Variants in FCF1 observed in about 807,000 individuals in gnomAD.
FCF1 encodes the protein rRNA-processing protein FCF1 homolog.
A neutral mutation model predicts 32.5 loss-of-function variants in FCF1; 17 were observed. That is an observed-to-expected ratio of 0.52 (90% CI 0.36 to 0.78). FCF1 has a LOEUF of 0.78. Among genes scored for constraint, FCF1 ranks in the 30% least tolerant of loss-of-function variants. FCF1 has a pLI of 0.00. For synonymous variants in FCF1, 84 were observed against 78.4 expected (o/e 1.07, Z -0.38); for missense variants, 201 against 241.1 (o/e 0.83, Z 1.10).
chr14:74,734,161 C>G lies in FCF1; in HGVS notation c.539C>G (p.Ser180Cys). The G allele has an allele frequency of 1.2e-6, 2 of 1,607,680 alleles. No homozygotes were observed. Among genetic ancestry groups the G allele is most frequent in the Non-Finnish European group, 1.7e-6 (2 of 1,174,378 alleles). ...KIPGVPIMYI[S>C]NHRYNIERMP... ...CCTGGAGTTCCTATCATGTACATTT[C>G]TAACCATAGGTGAGAAATTTCCCTT... Residue 180 changes from serine (S) to cysteine (C), a missense_variant, in exon 7 of 8, where the codon TCT becomes TGT. By Grantham distance (112) the Ser-to-Cys change is moderately radical. Coordinates refer to ENST00000341162, the MANE Select transcript of FCF1 (RefSeq NM_015962.5).
intron 4 of FCF1, among the ~76,000 whole-genome samples, chr14:74,716,304 A>G (rs2090418994): frequency 6.6e-6 from 1 of 152,218 alleles, no homozygotes; most frequent in Non-Finnish European, 1.5e-5. Flanking sequence ...ACAATTCAGA[A>G]AACACTTAGA....
In FCF1 at chr14:74,719,773, GA is replaced by G. The variant is rs1167854586; in HGVS notation, c.293-3492del. 3.3e-5 allele frequency among the ~76,000 whole-genome samples: 5 copies of G among 151,782 alleles called. No homozygotes were observed. In the South Asian group the frequency reaches 8.3e-4, roughly 25 times the overall value. On this transcript the variant is annotated intron_variant, in intron 4 of 7. Coordinates refer to ENST00000341162, the MANE Select transcript of FCF1 (RefSeq NM_015962.5). The stretch of plus-strand genomic sequence containing the variant: ...GAACAAGAACCTGTCTCAAAAGGGG[GA>G]AAAAAAGGAAGTTGCTTATAATGCA...
At chr14:74,722,009 A>G (rs2090510112) in intron 4 of FCF1, among the ~76,000 whole-genome samples, 3 of 150,948 alleles carry the variant, frequency 2.0e-5, no homozygotes, top group Non-Finnish European at 4.4e-5. Context: ...CTACAAACTT[A>G]GTATGAGAAT....
chr14:74,723,074 A>T (rs2090527736), intron 4 of FCF1, among the ~76,000 whole-genome samples, 198 bp from the exon 5 acceptor site: 1 of 152,050 alleles, frequency 6.6e-6, no homozygotes, highest in African/African-American at 2.4e-5. Context: ...ATAACAGGGA[A>T]TCTGCAGTTT....
intron 2 of FCF1, 33 bp downstream of exon 2, chr14:74,713,585 T>G: frequency 6.4e-7 from 1 of 1,570,956 alleles, no homozygotes; most frequent in Non-Finnish European, 8.7e-7. Flanking sequence ...CCAGGGATAT[T>G]CTAATAAGAG....
chr14:74,723,248 A>T (rs2090529862), intron 4 of FCF1, 24 bp from the exon 5 acceptor site: 5 of 1,571,546 alleles, frequency 3.2e-6, no homozygotes, highest in Non-Finnish European at 4.4e-6. Context: ...TTCTGTTCTT[A>T]ATGTGAATTT....
chr14:74,726,769 A>G (rs1382063031), intron 5 of FCF1, among the ~76,000 whole-genome samples: 1 of 86,082 alleles, frequency 1.2e-5, no homozygotes, highest in Non-Finnish European at 2.3e-5. Context: ...CCCCCACCCC[A>G]CAACAGGCCC....
intron 4 of FCF1, among the ~76,000 whole-genome samples, chr14:74,722,047 CTTTT>C (rs59367492): frequency 8.2e-6 from 1 of 121,406 alleles, no homozygotes; most frequent in African/African-American, 3.1e-5. Context: ...TGGGTATTTT[CTTTT>C]TTTTTTTTTT....
In FCF1 at chr14:74,723,331, C is replaced by T. The variant is rs201408131; in HGVS notation, c.352C>T (p.Arg118Ter). 1.2e-6 allele frequency: 2 copies of T among 1,612,586 alleles called. No homozygotes were observed. The highest frequency in any genetic ancestry group is 1.7e-6 in the Non-Finnish European group (2 of 1,178,898). The part of the protein sequence containing the change: ...AEIEKLGQKY[R>*]VALRIAKDPR... ...AATTGAGAAATTGGGGCAGAAGTATCGAGTGGCTCTAAGGTAGGAAGGAGG... is the reference window on the plus strand; with the variant it reads ...AATTGAGAAATTGGGGCAGAAGTATTGAGTGGCTCTAAGGTAGGAAGGAGG... The change falls in exon 5 of 8, where the codon CGA becomes TGA. Residue 118 changes from arginine (R) to a stop codon, truncating the protein, a stop_gained. Transcript: ENST00000341162. LOFTEE classifies it high-confidence loss of function.
At position 74,735,148 on chromosome 14, in the gene FCF1, G is replaced by A. The variant is rs527399744; in HGVS notation, c.*218G>A. 4.8e-5 allele frequency: 22 copies of A among 460,074 alleles called. No individual in the cohort carries two copies. Among genetic ancestry groups the A allele is most frequent in the African/African-American group, 3.0e-4 (15 of 49,830 alleles). 28.5% of individuals were successfully genotyped at this position (460,074 alleles called of 1,614,324 possible). On this transcript the variant is annotated 3_prime_UTR_variant, in exon 8 of 8. Coordinates refer to ENST00000341162, the MANE Select transcript of FCF1 (RefSeq NM_015962.5). ...CCTTTTAAGCATTTTGTGGGGCCGC[G>A]GGGGTTGGGGGGAATCTGTGCAGGG... is the stretch of plus-strand genomic sequence containing the variant.
Position 74,736,809 on chromosome 14 carries a change from A to C in FCF1, c.*1879A>C, listed in dbSNP as rs1016234401. ...TTATTAAATGTATACTAGGTGCTTA[A>C]TAAGAGATGGTCCTGCCCTCAAGAC... On this transcript the variant is annotated 3_prime_UTR_variant, in exon 8 of 8. Coordinates refer to ENST00000341162, the MANE Select transcript of FCF1 (RefSeq NM_015962.5). 3 of 152,208 alleles carry C rather than the reference A, an allele frequency of 2.0e-5. No individual in the cohort carries two copies. Among genetic ancestry groups the C allele is most frequent in the African/African-American group, 7.2e-5 (3 of 41,440 alleles). 9.4% of individuals were successfully genotyped at this position (152,208 alleles called of 1,614,324 possible).
intron 5 of FCF1, among the ~76,000 whole-genome samples, chr14:74,727,789 G>C (rs2090592949): frequency 6.6e-6 from 1 of 151,850 alleles, no homozygotes. Flanking sequence ...TTTGTATAAA[G>C]TGTAAGAAAG....
At chr14:74,733,963 A>G in intron 6 of FCF1, 113 bp from the exon 7 acceptor site, 1 of 692,090 alleles carries the variant, frequency 1.4e-6, no homozygotes, top group Non-Finnish European at 2.6e-6. Context: ...GCCCTTCGCT[A>G]CTTACTGTGA....
intron 5 of FCF1, among the ~76,000 whole-genome samples, chr14:74,724,579 C>T (rs964851832): frequency 2.0e-5 from 3 of 152,202 alleles, no homozygotes; most frequent in African/African-American, 7.2e-5. Flanking sequence ...AGCCACCACA[C>T]CCAACCCCCG....
chr14:74,727,796 A>G (rs11848781), intron 5 of FCF1, among the ~76,000 whole-genome samples: 104,939 of 151,272 alleles, frequency 0.69, 36,547 homozygotes, highest in East Asian at 0.75. Flanking sequence ...AAAGTGTAAG[A>G]AAGGGATCCA....
Position 74,714,905 on chromosome 14 carries a change from A to G in FCF1, c.105A>G (p.Lys35=), listed in dbSNP as rs1166630823. ...AGGATAGATTAAAACCTAAAAAGAA[A>G]GAAAAGAAGGATCCCAGCGCATTAA... ...KEKDRLKPKK[K]EKKDPSALKE... The change falls in exon 3 of 8, where the codon AAA becomes AAG. Residue 35 remains lysine (K), a synonymous_variant. Transcript: ENST00000341162. 1.9e-6 allele frequency: 3 copies of G among 1,596,704 alleles called. No individual in the cohort carries two copies. The highest frequency in any genetic ancestry group is 1.7e-4 in the Middle Eastern group (1 of 6,052).
intron 4 of FCF1, among the ~76,000 whole-genome samples, chr14:74,716,714 T>C (rs779299290): frequency 6.6e-6 from 1 of 152,342 alleles, no homozygotes; most frequent in South Asian, 2.1e-4. Flanking sequence ...AGTAAGGCCA[T>C]CTATGAAGCC....
chr14:74,716,252 T>C (rs1255114590), intron 4 of FCF1, among the ~76,000 whole-genome samples, 153 bp downstream of exon 4: 1 of 152,206 alleles, frequency 6.6e-6, no homozygotes, highest in Non-Finnish European at 1.5e-5. Context: ...GTTTAATGAA[T>C]TGAAGTATAA....
At chr14:74,724,124 T>C (rs1297767500) in intron 5 of FCF1, among the ~76,000 whole-genome samples, 1 of 152,166 alleles carries the variant, frequency 6.6e-6, no homozygotes, top group African/African-American at 2.4e-5. Context: ...AGGGTATAAA[T>C]TGGTCATCAC....
Sources: allele counts gnomAD v4.1 joint callset (sites outside exome capture counted in the v4.1 genomes callset), GRCh38; gene constraint gnomAD v4.1.1; transcripts MANE v1.5; gene names NCBI Gene and HGNC (gene_info 2026-07-23, HGNC 2026-07-21).